MGAM: variants seen among roughly 807,000 people sequenced by gnomAD.
MGAM encodes maltase-glucoamylase.
MGAM carries 253 observed loss-of-function variants against 358.8 expected under a neutral mutation model. The observed-to-expected ratio is 0.71, with a 90% CI of 0.64 to 0.78. The LOEUF (loss-of-function observed/expected upper bound fraction) is 0.78, where lower values mean the gene tolerates loss of function less well. Among genes scored for constraint, MGAM ranks in the 30% least tolerant of loss-of-function variants. The probability of loss-of-function intolerance (pLI) is 0.00; values close to 1 mark genes in which losing one functional copy is unlikely to be tolerated. For missense variants in MGAM, 3,080 were observed against 3,432.6 expected (o/e 0.90, Z 2.57); for synonymous variants, 1,105 against 1,227.1 (o/e 0.90, Z 2.08).
intron 1 of MGAM, among the ~76,000 whole-genome samples, chr7:141,999,868 T>C (rs1804595595): frequency 6.6e-6 from 1 of 152,158 alleles, no homozygotes; most frequent in Non-Finnish European, 1.5e-5. Flanking sequence ...AAGAGTTCTA[T>C]AATGCAGGAA....
At chr7:142,043,143 T>A (rs1328941373) in intron 21 of MGAM, among the ~76,000 whole-genome samples, 13 of 16,210 alleles carry the variant, frequency 8.0e-4, no homozygotes, top group Admixed American at 1.6e-3. Context: ...TATATACATA[T>A]AATATCTAAA....
At chr7:142,004,109 C>T (rs933825318) in intron 1 of MGAM, among the ~76,000 whole-genome samples, 6 of 151,980 alleles carry the variant, frequency 3.9e-5, no homozygotes, top group Non-Finnish European at 5.9e-5. Flanking sequence ...TAAATTAGTA[C>T]AATCTCTATA....
intron 21 of MGAM, among the ~76,000 whole-genome samples, chr7:142,045,244 A>C (rs1294046544): frequency 4.2e-5 from 2 of 47,674 alleles, no homozygotes; most frequent in Non-Finnish European, 8.2e-5. Context: ...TATATCATAT[A>C]ATATATGATA....
chr7:142,005,194 T>A (rs1262922962), intron 1 of MGAM, among the ~76,000 whole-genome samples: 1 of 152,054 alleles, frequency 6.6e-6, no homozygotes, highest in East Asian at 1.9e-4. Context: ...CACTAGATAT[T>A]TGATGACAGT....
chr7:142,034,766 C>G lies in MGAM; in HGVS notation c.1884C>G (p.Asp628Glu). Residue 628 changes from aspartate (D) to glutamate (E), a missense_variant, in exon 16 of 71, where the codon GAC becomes GAG. Around this residue, in one of 5 missense-constraint regions of MGAM, gnomAD observed 1,816 missense variants for 1,840.5 expected, o/e 0.99. Coordinates refer to ENST00000475668, the MANE Select transcript of MGAM (RefSeq NM_001365693.1). Reference sequence around the variant, plus strand: ...AGTTTGCAGCACATTGGTTAGGAGACAACACTGCCACCTGGGATGACCTGA... The same window carrying G: ...AGTTTGCAGCACATTGGTTAGGAGAGAACACTGCCACCTGGGATGACCTGA... ...SGKFAAHWLGDNTATWDDLRW... is the reference protein window; with the variant it reads ...SGKFAAHWLGENTATWDDLRW... The G allele has an allele frequency of 6.2e-7, 1 of 1,613,592 alleles. No homozygotes were observed. Among genetic ancestry groups the G allele is most frequent in the African/African-American group, 1.3e-5 (1 of 75,016 alleles).
At position 142,059,122 on chromosome 7, in the gene MGAM, T is replaced by C. The variant is rs561226055; in HGVS notation, c.3820-350T>C. On this transcript the variant is annotated intron_variant, in intron 31 of 70. Transcript: ENST00000475668. ...AGTATTTTTCCTAAACATGAACCAC[T>C]GATACCAGGGGCAGCCTCTTGGGGT... 4.6e-5 allele frequency among the ~76,000 whole-genome samples: 7 copies of C among 152,326 alleles called. No homozygotes were observed. In the South Asian group the frequency reaches 1.5e-3, roughly 32 times the overall value.
In MGAM at chr7:142,000,771, A is replaced by G. The variant is rs114995220; in HGVS notation, c.-2-4758A>G. On this transcript the variant is annotated intron_variant, in intron 1 of 70. Coordinates refer to ENST00000475668, the MANE Select transcript of MGAM (RefSeq NM_001365693.1). ...AAGTGTATTTAAGGGATGAATTTCT[A>G]TAAATGCAATTGCTGGGTAATGGGC... 5.6e-3 allele frequency among the ~76,000 whole-genome samples: 860 copies of G among 152,290 alleles called. 7 individuals carry two copies. The highest frequency in any genetic ancestry group is 0.013 in the African/African-American group (543 of 41,558).
intron 29 of MGAM, among the ~76,000 whole-genome samples, chr7:142,056,404 G>A (rs2129035822): frequency 6.6e-6 from 1 of 152,224 alleles, no homozygotes; most frequent in South Asian, 2.1e-4. Flanking sequence ...GTAAAACTAT[G>A]GGTCAGAGAA....
Position 142,093,486 on chromosome 7 carries a change from T to C in MGAM, c.7108T>C (p.Ser2370Pro). The change falls in exon 60 of 71, where the codon TCC becomes CCC. Residue 2370 changes from serine to proline, a missense_variant. By Grantham distance (74) the Ser-to-Pro change is moderately conservative. This residue lies in a region of MGAM where 932 missense variants were observed against 1,198.2 expected (regional missense o/e 0.78). Transcript: ENST00000475668. Reference protein sequence around the residue: ...MESQQILPDGSPVQHYNVHNL... With the variant: ...MESQQILPDGPPVQHYNVHNL... ...GAGTCAGCAGATCCTCCCAGACGGC[T>C]CCCCGGTGCAGCACTACAATGTGCA... The C allele has an allele frequency of 6.6e-7, 1 of 1,521,134 alleles. No homozygotes were observed. Among genetic ancestry groups the C allele is most frequent in the Non-Finnish European group, 9.0e-7 (1 of 1,114,510 alleles). The allele number at this position is 1,521,134 out of a possible 1,614,324, so 94.2% of individuals were successfully genotyped here. A position where few individuals can be genotyped will look rare whatever the true frequency, so the allele number is the denominator to read the frequency against.
intron 10 of MGAM, among the ~76,000 whole-genome samples, chr7:142,029,443 C>A (rs888982236): frequency 3.9e-5 from 6 of 152,266 alleles, no homozygotes; most frequent in African/African-American, 1.4e-4. Flanking sequence ...AAGCCCAGAT[C>A]TCTAACATCA....
chr7:142,034,502 A>G, intron 15 of MGAM, 123 bp downstream of exon 15: 5 of 981,306 alleles, frequency 5.1e-6, no homozygotes, highest in Non-Finnish European at 7.5e-6. Context: ...AGCAAAACAA[A>G]ACATTTAATG....
intron 2 of MGAM, among the ~76,000 whole-genome samples, chr7:142,005,916 A>C (rs540499196): frequency 6.6e-6 from 1 of 152,092 alleles, no homozygotes; most frequent in Admixed American, 6.6e-5. Flanking sequence ...ATTTCCTTAA[A>C]TAAGTCTAAT....
rs1813966434 is a variant in MGAM at position 142,078,780 on chromosome 7, G to A, written c.5647-28G>A. 5 of 1,528,630 alleles carry A rather than the reference G, an allele frequency of 3.3e-6. 1 individual carries two copies. In the African/African-American group the frequency reaches 4.0e-5, roughly 12 times the overall value. 94.7% of individuals were successfully genotyped at this position (1,528,630 alleles called of 1,614,324 possible). On this transcript the variant is annotated intron_variant, in intron 48 of 70. Transcript: ENST00000475668. ...GAACTTTAAGACCACATGCTGTGCT[G>A]ATCTATGACTTTGGCCTTACTTTTC...
At chr7:142,036,577 A>G (rs1467758212) in intron 17 of MGAM, among the ~76,000 whole-genome samples, 1 of 152,236 alleles carries the variant, frequency 6.6e-6, no homozygotes, top group Non-Finnish European at 1.5e-5. Flanking sequence ...GAAGCAAACA[A>G]GGAAATACTT....
chr7:142,084,531 C>A lies in MGAM; in HGVS notation c.6394C>A (p.Pro2132Thr). 1 of 1,555,706 alleles carries A rather than the reference C, an allele frequency of 6.4e-7. No homozygotes were observed. Among genetic ancestry groups the A allele is most frequent in the Non-Finnish European group, 8.8e-7 (1 of 1,132,292 alleles). Residue 2132 changes from proline to threonine, a missense_variant, in exon 54 of 71, where the codon CCT becomes ACT. By Grantham distance (38) the Pro-to-Thr change is conservative (BLOSUM62 -1). This residue lies in a region of MGAM where 932 missense variants were observed against 1,198.2 expected (regional missense o/e 0.78). Transcript: ENST00000475668. ...GTCTATTTTCTAGTTGATTGGCCGGCCTGTGATGGTACCTTACTGGTCTTT... is the reference window on the plus strand; with the variant it reads ...GTCTATTTTCTAGTTGATTGGCCGGACTGTGATGGTACCTTACTGGTCTTT... ...TQQYTELIGR[P>T]VMVPYWSLGF...
intron 44 of MGAM, 67 bp from the exon 45 acceptor site, chr7:142,074,018 T>A: frequency 8.9e-7 from 1 of 1,124,024 alleles, no homozygotes; most frequent in Non-Finnish European, 1.3e-6. Context: ...TTGATGGAAA[T>A]ATTCTCAGCC....
chr7:142,045,264 T>C (rs1810017644), intron 21 of MGAM, among the ~76,000 whole-genome samples: 1 of 101,088 alleles, frequency 9.9e-6, no homozygotes, highest in South Asian at 2.7e-4. Flanking sequence ...ATATAATATA[T>C]ATTATATATA....
rs574737725 is a variant in MGAM at position 142,076,137 on chromosome 7, G to A, written c.5276-66G>A. On this transcript the variant is annotated intron_variant, in intron 45 of 70. Transcript: ENST00000475668. ...ATCAGGATGTAACTGAAAAGAGTGG[G>A]AGTGTGAAATCTGTTCTTCTGTGGT... 967 of 1,202,504 alleles carry A rather than the reference G, an allele frequency of 8.0e-4. 37 individuals carry two copies. In the African/African-American group the frequency reaches 0.012, roughly 15 times the overall value. 74.5% of individuals were successfully genotyped at this position (1,202,504 alleles called of 1,614,324 possible). A position where few individuals can be genotyped will look rare whatever the true frequency, so the allele number is the denominator to read the frequency against.
upstream of MGAM, among the ~76,000 whole-genome samples, chr7:141,995,186 A>G (rs1270216183): frequency 6.6e-6 from 1 of 152,118 alleles, no homozygotes; most frequent in Non-Finnish European, 1.5e-5. Context: ...GTTTAACTAT[A>G]AACTAAATCC....
Sources: allele counts gnomAD v4.1 joint callset (sites outside exome capture counted in the v4.1 genomes callset), GRCh38; gene constraint gnomAD v4.1.1; regional missense constraint gnomAD v4.1.1; transcripts MANE v1.5; gene names NCBI Gene and HGNC (gene_info 2026-07-23, HGNC 2026-07-21).